Variants in EPS15L1 observed in about 807,000 individuals in gnomAD.
The protein encoded by EPS15L1 is epidermal growth factor receptor pathway substrate 15 like 1.
Under a neutral mutation model 117.1 loss-of-function variants are expected in EPS15L1, and 43 were observed. The observed-to-expected ratio is 0.37, with a 90% CI of 0.29 to 0.47. The LOEUF (loss-of-function observed/expected upper bound fraction) is 0.47, where lower values mean the gene tolerates loss of function less well. EPS15L1 is among the 20% of genes least tolerant of loss of function. The pLI is 0.99. For synonymous variants in EPS15L1, 459 were observed against 470.5 expected, an observed-to-expected ratio of 0.98 and a Z score of 0.32; for missense variants, 981 against 1,164.0, an observed-to-expected ratio of 0.84 and a Z score of 2.29.
intron 1 of EPS15L1, among the ~76,000 whole-genome samples, chr19:16,446,779 G>A (rs550970397): frequency 1.5e-4 from 23 of 152,256 alleles, no homozygotes; most frequent in African/African-American, 4.8e-4. Flanking sequence ...ACGTGCTGGA[G>A]CATTTTATTA....
chr19:16,460,551 C>A (rs546756342), intron 1 of EPS15L1, among the ~76,000 whole-genome samples: 4 of 152,132 alleles, frequency 2.6e-5, no homozygotes, highest in African/African-American at 9.7e-5. Flanking sequence ...ACTCCATGGC[C>A]TGGTGTGAGC....
rs552182628 is a variant in EPS15L1, at chr19:16,427,943, C to T, written c.558+759G>A. 8.6e-5 allele frequency among the ~76,000 whole-genome samples: 13 copies of T among 151,116 alleles called. No homozygotes were observed. In the East Asian group the frequency reaches 2.5e-3, roughly 30 times the overall value. On this transcript the variant is annotated intron_variant, in intron 8 of 23. Transcript: ENST00000455140. ...AGAAGGCTAGGTGCAGTGGCTCACG[C>T]CTGTAATCCCAGCACTTTGGGAGGC...
rs567840059 is a variant in EPS15L1 at position 16,374,015 on chromosome 19, T to G, written c.2380+3107A>C. Among the ~76,000 whole-genome samples, 7 of 152,248 alleles carry G rather than the reference T, an allele frequency of 4.6e-5. No individual in the cohort carries two copies. In the South Asian group the frequency reaches 1.4e-3, roughly 32 times the overall value. Reference sequence around the variant, plus strand: ...TTTAGGCCTCCACACAGATCTGCAGTTGCTCCGGACTTAAAATGCTGCGCG... The same window carrying G: ...TTTAGGCCTCCACACAGATCTGCAGGTGCTCCGGACTTAAAATGCTGCGCG... On this transcript the variant is annotated intron_variant, in intron 22 of 23. Transcript: ENST00000455140.
At chr19:16,437,692 C>T (rs1351258470) in intron 5 of EPS15L1, 78 bp downstream of exon 5, 4 of 944,640 alleles carry the variant, frequency 4.2e-6, no homozygotes, top group African/African-American at 1.7e-5. Context: ...AATATACATG[C>T]ACATACACAC....
chr19:16,368,401 C>T (rs1450140820), intron 22 of EPS15L1, among the ~76,000 whole-genome samples: 2 of 152,162 alleles, frequency 1.3e-5, no homozygotes, highest in African/African-American at 4.8e-5. Flanking sequence ...ATTCATCCTG[C>T]ACAATATGGA....
chr19:16,464,939 T>C (rs942437683), intron 1 of EPS15L1, among the ~76,000 whole-genome samples: 17 of 151,732 alleles, frequency 1.1e-4, no homozygotes, highest in East Asian at 3.9e-4. Context: ...ATTAGCCAGG[T>C]GTGGTGGCGG....
rs546608024 is a variant in EPS15L1 at position 16,460,794 on chromosome 19, C to A, written c.33+11119G>T. 1.3e-5 allele frequency among the ~76,000 whole-genome samples: 2 copies of A among 152,320 alleles called. 1 individual carries two copies. The highest frequency in any genetic ancestry group is 4.1e-4 in the South Asian group (2 of 4,826). On this transcript the variant is annotated intron_variant, in intron 1 of 23. Transcript: ENST00000455140. ...CTAGGCCAATCGTGTCTGGGACCCC[C>A]CAACCACAAACAGTGCCATTTGTAG...
chr19:16,430,980 A>G (rs148837145), intron 7 of EPS15L1, among the ~76,000 whole-genome samples: 107 of 152,284 alleles, frequency 7.0e-4, no homozygotes, highest in Middle Eastern at 3.4e-3. Flanking sequence ...CACGACTGTC[A>G]TCCATCCCAG....
At chr19:16,452,229 T>C (rs1386094194) in intron 1 of EPS15L1, among the ~76,000 whole-genome samples, 2 of 151,440 alleles carry the variant, frequency 1.3e-5, no homozygotes, top group African/African-American at 4.9e-5. Flanking sequence ...GTAGATCACC[T>C]GAGGTCAGGA....
At chr19:16,447,170 G>A (rs1010575593) in intron 1 of EPS15L1, among the ~76,000 whole-genome samples, 12 of 152,130 alleles carry the variant, frequency 7.9e-5, no homozygotes, top group East Asian at 1.9e-4. Context: ...TGGCAAGCAC[G>A]GGGCAGAACT....
intron 22 of EPS15L1, among the ~76,000 whole-genome samples, chr19:16,372,893 G>A (rs1358787900): frequency 1.3e-5 from 2 of 152,232 alleles, no homozygotes. Context: ...GATTCTAGCA[G>A]AATTGGCTGC....
intron 7 of EPS15L1, among the ~76,000 whole-genome samples, chr19:16,432,979 TA>T (rs2092944089): frequency 6.9e-6 from 1 of 145,124 alleles, no homozygotes; most frequent in Admixed American, 6.8e-5. Flanking sequence ...TAGTTTTTTG[TA>T]TTTTTTTTTC....
At chr19:16,363,694 C>G (rs1177476609) in intron 22 of EPS15L1, among the ~76,000 whole-genome samples, 1 of 152,206 alleles carries the variant, frequency 6.6e-6, no homozygotes, top group Non-Finnish European at 1.5e-5. Context: ...AGGTGACATT[C>G]CTGGGGTCCA....
intron 11 of EPS15L1, 136 bp downstream of exon 11, chr19:16,417,812 G>A (rs1174362244): frequency 1.4e-5 from 18 of 1,325,106 alleles, no homozygotes; most frequent in African/African-American, 5.8e-5. Context: ...CCACCCTCCC[G>A]GGGGCCCCTG....
At chr19:16,419,821 T>C (rs73021149) in intron 10 of EPS15L1, among the ~76,000 whole-genome samples, 11,885 of 152,308 alleles carry the variant, frequency 0.078, 603 homozygotes, top group Non-Finnish European at 0.12. Context: ...AGTCTGCCCC[T>C]GCGGGCCCCA....
intron 4 of EPS15L1, among the ~76,000 whole-genome samples, chr19:16,439,890 A>G (rs553539895): frequency 5.9e-4 from 90 of 151,912 alleles, no homozygotes; most frequent in African/African-American, 2.1e-3. Context: ...TCCTCATCCC[A>G]AATGCTTGGT....
intron 23 of EPS15L1, chr19:16,357,768 G>C (rs1032622630): frequency 6.6e-6 from 1 of 152,236 alleles, no homozygotes; most frequent in African/African-American, 2.4e-5. Flanking sequence ...TTCTTAAAGA[G>C]GCACTGCCCA....
chr19:16,419,330 G>A (rs536644908), intron 10 of EPS15L1, among the ~76,000 whole-genome samples: 52 of 152,232 alleles, frequency 3.4e-4, no homozygotes, highest in African/African-American at 1.1e-3. Flanking sequence ...ATGGTGGCGC[G>A]CGCCTGTAAT....
chr19:16,393,886 C>T, intron 18 of EPS15L1, 65 bp downstream of exon 18: 2 of 1,499,534 alleles, frequency 1.3e-6, no homozygotes, highest in Non-Finnish European at 1.9e-6. Flanking sequence ...AGTCCCACCA[C>T]ATGCGACTTC....
Sources: allele counts gnomAD v4.1 joint callset (sites outside exome capture counted in the v4.1 genomes callset), GRCh38; gene constraint gnomAD v4.1.1; transcripts MANE v1.5; gene names NCBI Gene and HGNC (gene_info 2026-07-23, HGNC 2026-07-21).